The following MAP3K9 variants were observed in gnomAD, a reference collection of about 807,000 sequenced individuals.
MAP3K9 encodes mixed lineage kinase 1 (tyr and ser/thr specificity).
MAP3K9 carries 46 observed loss-of-function variants against 95.8 expected under a neutral mutation model. That is an observed-to-expected ratio of 0.48 (90% CI 0.38 to 0.61). The LOEUF is 0.61. MAP3K9 is among the 20% of genes least tolerant of loss of function. The pLI is 0.00. For synonymous variants in MAP3K9, 533 were observed against 593.8 expected (o/e 0.90, Z 1.49); for missense variants, 1,296 against 1,474.3 (o/e 0.88, Z 1.98).
At position 70,727,238 on chromosome 14, in the gene MAP3K9, A is replaced by C. The variant is rs2053831468; in HGVS notation, c.*3142T>G. 6.6e-6 allele frequency: 1 copy of C among 152,208 alleles called. No homozygotes were observed. Among genetic ancestry groups the C allele is most frequent in the Non-Finnish European group, 1.5e-5 (1 of 68,058 alleles). The allele number at this position is 152,208 out of a possible 1,614,324, so 9.4% of individuals were successfully genotyped here. ...GACCCTAGGGATGCCACAGGATGCC[A>C]AGTGAAGAGGATCCGCCAAAGCCTC... On this transcript the variant is annotated 3_prime_UTR_variant, in exon 12 of 12. Coordinates refer to ENST00000554752, the MANE Select transcript of MAP3K9 (RefSeq NM_001284230.2).
rs1000927133 is a variant in MAP3K9 at position 70,726,072 on chromosome 14, C to G, written c.*4308G>C. ...GCTTTTATCACCAGGTTCCTGCCAA[C>G]ACGGTTTCAACCCCAAGGTGTACCA... On this transcript the variant is annotated 3_prime_UTR_variant, in exon 12 of 12. Transcript: ENST00000554752. 3.3e-5 allele frequency: 5 copies of G among 152,290 alleles called. No homozygotes were observed. The highest frequency in any genetic ancestry group is 5.9e-5 in the Non-Finnish European group (4 of 68,094). The allele number at this position is 152,290 out of a possible 1,614,324, so 9.4% of individuals were successfully genotyped here.
intron 7 of MAP3K9, among the ~76,000 whole-genome samples, chr14:70,738,689 C>CT (rs1327648874): frequency 1.3e-5 from 2 of 152,092 alleles, no homozygotes; most frequent in African/African-American, 2.4e-5. Flanking sequence ...ACAGATCTGA[C>CT]TTTACCTGTT....
At chr14:70,748,021 T>C (rs936872786) in intron 5 of MAP3K9, among the ~76,000 whole-genome samples, 2 of 8,496 alleles carry the variant, frequency 2.4e-4, no homozygotes, top group African/African-American at 1.1e-3. Context: ...GGCAGGAGAA[T>C]GGCGTGAACC....
chr14:70,795,838 A>C (rs985584101), intron 2 of MAP3K9, among the ~76,000 whole-genome samples: 1 of 150,880 alleles, frequency 6.6e-6, no homozygotes, highest in Admixed American at 6.6e-5. Context: ...AGCTCACCGC[A>C]ATCTCTGCCT....
chr14:70,733,696 G>T, intron 10 of MAP3K9: 1 of 717,584 alleles, frequency 1.4e-6, no homozygotes, highest in South Asian at 1.5e-5. Context: ...GGGTGTGTCT[G>T]TGAGGCTGTT....
intron 2 of MAP3K9, among the ~76,000 whole-genome samples, chr14:70,788,266 T>A (rs2054769280): frequency 6.6e-6 from 1 of 152,182 alleles, no homozygotes; most frequent in Non-Finnish European, 1.5e-5. Context: ...AGACAAAAGA[T>A]ACCACCCAAA....
chr14:70,767,352 C>G (rs2054470115), intron 2 of MAP3K9, among the ~76,000 whole-genome samples: 1 of 139,894 alleles, frequency 7.1e-6, no homozygotes, highest in Non-Finnish European at 1.5e-5. Context: ...CCACTGCACT[C>G]CAGCCTGGGC....
intron 2 of MAP3K9, among the ~76,000 whole-genome samples, chr14:70,764,868 T>C (rs73285177): frequency 0.039 from 5,866 of 151,770 alleles, 229 homozygotes; most frequent in African/African-American, 0.1. Context: ...AAAAAGTAAA[T>C]AGAAAAAAGC....
chr14:70,737,833 T>C lies in MAP3K9; in HGVS notation c.1844+412A>G, dbSNP rs186672557. On this transcript the variant is annotated intron_variant, in intron 8 of 11. Coordinates refer to ENST00000554752, the MANE Select transcript of MAP3K9 (RefSeq NM_001284230.2). ...TGCTTGGGCTACTTGCTACTCTGAG[T>C]AGAACGCCTTCAGGGGTTGGCAAAC... Among the ~76,000 whole-genome samples, 14 of 152,300 alleles carry C rather than the reference T, an allele frequency of 9.2e-5. No homozygotes were observed. The East Asian group carries it at 2.7e-3, about 29-fold the overall frequency.
In MAP3K9 at chr14:70,733,129, C is replaced by A; in HGVS notation, c.2240G>T (p.Arg747Leu). The A allele has an allele frequency of 6.2e-7, 1 of 1,613,780 alleles. No homozygotes were observed. Among genetic ancestry groups the A allele is most frequent in the Non-Finnish European group, 8.5e-7 (1 of 1,179,828 alleles). ...NSLKRGGAHH[R>L]RCEVALLGCG... ...GCCGAGCAGAGCCACCTCGCAGCGGCGGTGGTGGGCACCGCCCCGCTTGAG... is the reference window on the plus strand; with the variant it reads ...GCCGAGCAGAGCCACCTCGCAGCGGAGGTGGTGGGCACCGCCCCGCTTGAG... Residue 747 changes from arginine to leucine, a missense_variant, in exon 11 of 12, where the codon CGC becomes CTC. This residue lies in a region of MAP3K9 where 377 missense variants were observed against 417.1 expected (regional missense o/e 0.90). Transcript: ENST00000554752.
intron 2 of MAP3K9, among the ~76,000 whole-genome samples, chr14:70,770,393 A>G: frequency 6.6e-6 from 1 of 151,980 alleles, no homozygotes. Flanking sequence ...CATGTTGGCC[A>G]GGCTGGTCTC....
chr14:70,808,799 C>T lies in MAP3K9; in HGVS notation c.373G>A (p.Gly125Ser), dbSNP rs2055026498. Residue 125 changes from glycine to serine, a missense_variant, in exon 1 of 12, where the codon GGC (glycine) becomes AGC (serine). Transcript: ENST00000554752. ...GGCGGGTAGCAACTGGGGTCCTCGC[C>T]GCCGGGCTGGCAGCGGCTGGAGAAG... ...SAFSSRCQPG[G>S]EDPSCYPPIQ... 2 of 1,592,648 alleles carry T rather than the reference C, an allele frequency of 1.3e-6. No individual in the cohort carries two copies. The highest frequency in any genetic ancestry group is 1.7e-5 in the Admixed American group (1 of 57,238).
Position 70,729,318 on chromosome 14 carries a change from T to C in MAP3K9, c.*1062A>G, listed in dbSNP as rs1430427093. On this transcript the variant is annotated 3_prime_UTR_variant, in exon 12 of 12. Transcript: ENST00000554752. ...AAGTCCCAATGTCCAGGTGGCCATATGGTATTCTGCTTCATAGCTGTTCTA... is the reference window on the plus strand; with the variant it reads ...AAGTCCCAATGTCCAGGTGGCCATACGGTATTCTGCTTCATAGCTGTTCTA... The C allele has an allele frequency of 6.6e-6, 1 of 152,262 alleles. No homozygotes were observed. Among genetic ancestry groups the C allele is most frequent in the Non-Finnish European group, 1.5e-5 (1 of 68,076 alleles). 9.4% of individuals were successfully genotyped at this position (152,262 alleles called of 1,614,324 possible).
chr14:70,732,554 G>A lies in MAP3K9; in HGVS notation c.2815C>T (p.Pro939Ser). 6.3e-7 allele frequency: 1 copy of A among 1,586,752 alleles called. No homozygotes were observed. The highest frequency in any genetic ancestry group is 1.1e-5 in the South Asian group (1 of 87,070). ...SRSPSSNGLS[P>S]SPGAGMLKTP... ...GAAGACTCACCTGCTCCAGGACTGG[G>A]GCTCAACCCATTGCTGGAGGGGCTC... The change falls in exon 11 of 12, where the codon CCC (proline) becomes TCC (serine). Residue 939 changes from proline (P) to serine (S), a missense_variant. This residue lies in a region of MAP3K9 where 433 missense variants were observed against 441.4 expected (regional missense o/e 0.98). Coordinates refer to ENST00000554752, the MANE Select transcript of MAP3K9 (RefSeq NM_001284230.2).
intron 4 of MAP3K9, 152 bp from the exon 5 acceptor site, chr14:70,749,156 A>G (rs752443309): frequency 5.8e-5 from 40 of 687,046 alleles, no homozygotes; most frequent in Non-Finnish European, 9.1e-5. Flanking sequence ...AATAAGGCTC[A>G]GGAAGTAAAG....
intron 2 of MAP3K9, among the ~76,000 whole-genome samples, chr14:70,782,274 C>G: frequency 6.6e-6 from 1 of 152,190 alleles, no homozygotes; most frequent in Non-Finnish European, 1.5e-5. Context: ...GTATTTCTTA[C>G]AGCATGTATG....
chr14:70,733,864 C>A, intron 10 of MAP3K9: 2 of 714,940 alleles, frequency 2.8e-6, no homozygotes, highest in South Asian at 1.5e-5. Context: ...CTGTTTCTCC[C>A]TTCTGGAGAG....
At chr14:70,790,119 T>C (rs1387361314) in intron 2 of MAP3K9, among the ~76,000 whole-genome samples, 1 of 152,136 alleles carries the variant, frequency 6.6e-6, no homozygotes, top group Non-Finnish European at 1.5e-5. Context: ...TCCAGGATGG[T>C]TCATGTGACC....
intron 1 of MAP3K9, among the ~76,000 whole-genome samples, chr14:70,801,719 G>A (rs1006567135): frequency 6.6e-6 from 1 of 152,196 alleles, no homozygotes; most frequent in Non-Finnish European, 1.5e-5. Context: ...CAGCAGCACA[G>A]AGCACTAAGG....
Sources: gnomAD v4.1 joint callset for allele counts (sites outside exome capture counted in the v4.1 genomes callset) on GRCh38, gnomAD v4.1.1 for gene constraint, gnomAD v4.1.1 regional missense constraint, MANE v1.5 for transcripts, NCBI Gene and HGNC (gene_info 2026-07-23, HGNC 2026-07-21) for gene names.